ZBTB4: variants seen among roughly 807,000 people sequenced by gnomAD.
The protein encoded by ZBTB4 is zinc finger and BTB domain-containing protein 4.
In ZBTB4, 14 loss-of-function variants were observed where a neutral mutation model predicts 59.8. That is an observed-to-expected ratio of 0.23 (90% CI 0.15 to 0.37). The LOEUF (loss-of-function observed/expected upper bound fraction) is 0.37. Among genes scored for constraint, ZBTB4 ranks in the 10% least tolerant of loss-of-function variants. The pLI is 1.00. For missense variants in ZBTB4, 1,198 were observed against 1,380.8 expected (o/e 0.87, Z 2.10); for synonymous variants, 587 against 575.2 (o/e 1.02, Z -0.29).
At chr17:7,481,091 G>A (rs2070339071), upstream of ZBTB4, among the ~76,000 whole-genome samples, 2 of 151,780 alleles carry the variant, frequency 1.3e-5, no homozygotes, top group African/African-American at 2.4e-5. Flanking sequence ...CCCAGGAGGT[G>A]GAGGTTGCGG....
chr17:7,461,827 C>A lies in ZBTB4; in HGVS notation c.*113G>T. The A allele has an allele frequency of 1.0e-6, 1 of 959,138 alleles. No individual in the cohort carries two copies. The highest frequency in any genetic ancestry group is 1.5e-6 in the Non-Finnish European group (1 of 655,998). The allele number at this position is 959,138 out of a possible 1,614,324, so 59.4% of individuals were successfully genotyped here. On this transcript the variant is annotated 3_prime_UTR_variant, in exon 4 of 4. Transcript: ENST00000380599. ...CCCTGAGCTCCAGGGGCCCCCAAGT[C>A]CCTGCACAAGAGTGTGAAGGGGCTC...
At chr17:7,481,848 T>A, upstream of ZBTB4, 1 of 1,249,728 alleles carries the variant, frequency 8.0e-7, no homozygotes, top group Non-Finnish European at 1.1e-6. Flanking sequence ...AGGCCCTTTC[T>A]AGCTCCGAAG....
At chr17:7,464,901 A>G (rs1229362330) in intron 3 of ZBTB4, among the ~76,000 whole-genome samples, 1 of 151,188 alleles carries the variant, frequency 6.6e-6, no homozygotes, top group East Asian at 1.9e-4. Flanking sequence ...TCATGCCTGT[A>G]ATCTCAGCAC....
chr17:7,482,489 C>T (rs749101929), upstream of ZBTB4: 7 of 1,613,796 alleles, frequency 4.3e-6, no homozygotes, highest in Admixed American at 1.7e-5. Context: ...CATCCTAGGA[C>T]TAATCATCAT....
At chr17:7,483,335 T>C, upstream of ZBTB4, 1 of 397,388 alleles carries the variant, frequency 2.5e-6, no homozygotes, top group South Asian at 2.7e-5. Context: ...GCATTGGGGC[T>C]GGAGTGTTCC....
intron 1 of ZBTB4, among the ~76,000 whole-genome samples, chr17:7,473,318 T>A (rs1475282599): frequency 1.3e-5 from 2 of 151,880 alleles, no homozygotes; most frequent in East Asian, 3.9e-4. Flanking sequence ...GGTTTCACCA[T>A]GTTAGCCAGG....
upstream of ZBTB4, chr17:7,482,133 C>G (rs1377006247): frequency 6.2e-7 from 1 of 1,614,184 alleles, no homozygotes; most frequent in South Asian, 1.1e-5. Flanking sequence ...GGGGGCCTGC[C>G]TGCTGGCTTC....
rs1486322677 is a variant in ZBTB4 at position 7,466,960 on chromosome 17, C to G, written c.-9-150G>C. 2.9e-6 allele frequency: 4 copies of G among 1,373,284 alleles called. No homozygotes were observed. The East Asian group carries it at 1.0e-4, about 35-fold the overall frequency. 85.1% of individuals were successfully genotyped at this position (1,373,284 alleles called of 1,614,324 possible). A position where few individuals can be genotyped will look rare whatever the true frequency, so the allele number is the denominator to read the frequency against. ...TCTGGTCACAGAAGTCAGGGGTTGG[C>G]CCTTAGCCACCCAAGTCTGGCCAGC... On this transcript the variant is annotated intron_variant, in intron 2 of 3. Coordinates refer to ENST00000380599, the MANE Select transcript of ZBTB4 (RefSeq NM_001128833.2). This position sits in a 1 kb window ranked among gnomAD's most constrained non-coding sequence, Gnocchi z 9.1.
chr17:7,482,751 T>C, upstream of ZBTB4: 2 of 1,611,984 alleles, frequency 1.2e-6, no homozygotes, highest in Non-Finnish European at 1.7e-6. Context: ...TGGAGTTGTG[T>C]GGGGGCAGTG....
rs1177016610 is a variant in ZBTB4 at position 7,463,192 on chromosome 17, G to A, written c.1790C>T (p.Ala597Val). 1.3e-5 allele frequency: 21 copies of A among 1,607,722 alleles called. No homozygotes were observed. The highest frequency in any genetic ancestry group is 4.5e-5 in the East Asian group (2 of 44,812). The change falls in exon 4 of 4, where the codon GCT becomes GTT. Residue 597 changes from alanine (A) to valine (V), a missense_variant. Coordinates refer to ENST00000380599, the MANE Select transcript of ZBTB4 (RefSeq NM_001128833.2). ...AGTGATCTGACACAGTGGAGGTGGAGCCTGCAGCTGAGAGGGGCCCCGGCC... is the reference window on the plus strand; with the variant it reads ...AGTGATCTGACACAGTGGAGGTGGAACCTGCAGCTGAGAGGGGCCCCGGCC... ...GAGRGPSQLQ[A>V]PPPLCQITVR... is the part of the protein sequence containing the mutation.
intron 1 of ZBTB4, among the ~76,000 whole-genome samples, chr17:7,471,802 T>C (rs3899372): frequency 6.6e-6 from 1 of 152,212 alleles, no homozygotes; most frequent in Non-Finnish European, 1.5e-5. Flanking sequence ...ATTTAGTTTG[T>C]AGAACTCAGT....
intron 1 of ZBTB4, among the ~76,000 whole-genome samples, chr17:7,475,725 A>G (rs1378317112): frequency 2.0e-5 from 3 of 152,192 alleles, no homozygotes; most frequent in African/African-American, 7.2e-5. Context: ...GGCATGGGCC[A>G]CTGCGCCCGG....
At chr17:7,473,278 A>G (rs1230182819) in intron 1 of ZBTB4, among the ~76,000 whole-genome samples, 12 of 151,584 alleles carry the variant, frequency 7.9e-5, no homozygotes, top group African/African-American at 2.9e-4. Flanking sequence ...ACTCCCGGCT[A>G]ATTTTTTTTT....
At position 7,462,669 on chromosome 17, in the gene ZBTB4, G is replaced by A. The variant is rs1176969932; in HGVS notation, c.2313C>T (p.Ala771=). 1 of 1,607,460 alleles carries A rather than the reference G, an allele frequency of 6.2e-7. No individual in the cohort carries two copies. The change falls in exon 4 of 4, where the codon GCC becomes GCT. Residue 771 remains alanine (A), a synonymous_variant. Coordinates refer to ENST00000380599, the MANE Select transcript of ZBTB4 (RefSeq NM_001128833.2). The surrounding 1 kb of genome is among the most constrained non-coding windows in gnomAD (Gnocchi z 7.5). ...PSTRFTCPHC[A]KVCKTAAALS... ...GGGCAGCTGCGGTCTTGCACACCTT[G>A]GCGCAGTGGGGGCAGGTAAAGCGGG...
chr17:7,466,928 A>C lies in ZBTB4; in HGVS notation c.-9-118T>G. 1.1e-5 allele frequency: 15 copies of C among 1,424,840 alleles called. No homozygotes were observed. Among genetic ancestry groups the C allele is most frequent in the Non-Finnish European group, 1.4e-5 (15 of 1,090,168 alleles). 88.3% of individuals were successfully genotyped at this position (1,424,840 alleles called of 1,614,324 possible). On this transcript the variant is annotated intron_variant, in intron 2 of 3. Coordinates refer to ENST00000380599, the MANE Select transcript of ZBTB4 (RefSeq NM_001128833.2). The surrounding 1 kb of genome is among the most constrained non-coding windows in gnomAD (Gnocchi z 9.1). The stretch of plus-strand genomic sequence containing the variant: ...CTGGTCAGAAACTAGTGGAAGGCTG[A>C]ATCACTTCTGGTCACAGAAGTCAGG...
rs1597769788 is a variant in ZBTB4 at position 7,466,272 on chromosome 17, C to A, written c.530G>T (p.Gly177Val). ...CCAGGCATCACCTCCCTCCCCCAGG[C>A]CCTGAAGGCGGGAGATGCCCAGACG... ...GRRLGISRLQ[G>V]LGEGGDAWVP... Residue 177 changes from glycine (G) to valine (V), a missense_variant, in exon 3 of 4, where the codon GGC becomes GTC. By Grantham distance (109) the Gly-to-Val change is moderately radical. This residue lies in a region of ZBTB4 where 204 missense variants were observed against 205.5 expected (regional missense o/e 0.99). Transcript: ENST00000380599. The surrounding 1 kb of genome is among the most constrained non-coding windows in gnomAD (Gnocchi z 9.1). The A allele has an allele frequency of 6.2e-7, 1 of 1,613,260 alleles. No individual in the cohort carries two copies.
intron 3 of ZBTB4, 94 bp from the exon 4 acceptor site, chr17:7,463,984 C>G: frequency 6.6e-7 from 1 of 1,509,710 alleles, no homozygotes; most frequent in African/African-American, 1.4e-5. Flanking sequence ...TGCACTCAAA[C>G]CTGTGACTCC....
chr17:7,463,689 G>A lies in ZBTB4; in HGVS notation c.1293C>T (p.Ser431=). 1.2e-6 allele frequency: 2 copies of A among 1,613,734 alleles called. No individual in the cohort carries two copies. Among genetic ancestry groups the A allele is most frequent in the Non-Finnish European group, 1.7e-6 (2 of 1,179,946 alleles). ...AAAGGGGAGCCTCCGGGGCTCCCTG[G>A]CTGTAGGTCTTGTAGGGCCGCTTGG... The part of the protein sequence containing the change: ...RAAKRPYKTY[S]QGAPEAPLSP... Residue 431 remains serine, a synonymous_variant, in exon 4 of 4, where the codon AGC becomes AGT. Transcript: ENST00000380599.
rs1296344821 is a variant in ZBTB4, at chr17:7,466,584, C to T, written c.218G>A (p.Gly73Asp). ...GGTGGTGGCAGGGTTGGGTGCGGCG[C>T]CCCCAGTAGCTGGTGGAAGGGGTAG... ...APLPLPPATG[G>D]AAPNPATTTA... The change falls in exon 3 of 4, where the codon GGC (glycine) becomes GAC (aspartate). Residue 73 changes from glycine to aspartate, a missense_variant. Coordinates refer to ENST00000380599, the MANE Select transcript of ZBTB4 (RefSeq NM_001128833.2). The surrounding 1 kb of genome is among the most constrained non-coding windows in gnomAD (Gnocchi z 9.1). The T allele has an allele frequency of 1.2e-6, 2 of 1,612,942 alleles. No individual in the cohort carries two copies. Among genetic ancestry groups the T allele is most frequent in the East Asian group, 2.2e-5 (1 of 44,844 alleles).
Sources: allele counts gnomAD v4.1 joint callset (sites outside exome capture counted in the v4.1 genomes callset), GRCh38; gene constraint gnomAD v4.1.1; regional missense constraint gnomAD v4.1.1; non-coding constraint Gnocchi (gnomAD v3.1); transcripts MANE v1.5; gene names NCBI Gene and HGNC (gene_info 2026-07-23, HGNC 2026-07-21).